The following C21orf58 variants were observed in gnomAD, a reference collection of about 807,000 sequenced individuals.
C21orf58 encodes chromosome 21 open reading frame 58.
In C21orf58, 34 loss-of-function variants were observed where a neutral mutation model predicts 35.8. That is an observed-to-expected ratio of 0.95 (90% CI 0.72 to 1.26). The LOEUF is 1.26. C21orf58 is among the 50% of genes most tolerant of loss of function. C21orf58 has a pLI of 0.00. For missense variants in C21orf58, 440 were observed against 414.3 expected, an observed-to-expected ratio of 1.06 and a Z score of -0.54; for synonymous variants, 191 against 175.8, an observed-to-expected ratio of 1.09 and a Z score of -0.68.
chr21:46,304,758 AG>A (rs1390237159), intron 6 of C21orf58, among the ~76,000 whole-genome samples: 1 of 152,162 alleles, frequency 6.6e-6, no homozygotes, highest in Non-Finnish European at 1.5e-5. Flanking sequence ...GTTCCATTAG[AG>A]GGCAAAAAGG....
At chr21:46,307,817 G>A (rs1430859187) in intron 6 of C21orf58, among the ~76,000 whole-genome samples, 1 of 152,146 alleles carries the variant, frequency 6.6e-6, no homozygotes, top group Non-Finnish European at 1.5e-5. Context: ...AATTCCATTA[G>A]TCATTAGGGC....
At chr21:46,314,923 C>G (rs1287123012) in intron 4 of C21orf58, 43 bp from the exon 5 acceptor site, 1 of 1,550,226 alleles carries the variant, frequency 6.5e-7, no homozygotes, top group Non-Finnish European at 8.7e-7. Context: ...GGACGGGGAG[C>G]CCCAACGCCA....
intron 3 of C21orf58, 30 bp from the exon 4 acceptor site, chr21:46,315,577 G>C (rs1369170932): frequency 2.0e-6 from 3 of 1,485,350 alleles, no homozygotes; most frequent in Non-Finnish European, 2.8e-6. Context: ...TGCTTACCAA[G>C]GAACGCGTAG....
intron 2 of C21orf58, 75 bp downstream of exon 2, chr21:46,317,937 G>T: frequency 6.6e-7 from 1 of 1,513,836 alleles, no homozygotes; most frequent in Non-Finnish European, 9.0e-7. Context: ...CACCTGCAGG[G>T]CTGTCTCGAA....
intron 6 of C21orf58, among the ~76,000 whole-genome samples, chr21:46,309,421 C>A (rs117817503): frequency 0.061 from 9,164 of 149,884 alleles, 326 homozygotes; most frequent in Non-Finnish European, 0.081. Flanking sequence ...GAGATTGCGC[C>A]ACTTCACTCA....
rs1375151526 is a variant in C21orf58, at chr21:46,323,390, C to T, written c.-652G>A. 7.1e-6 allele frequency: 1 copy of T among 141,560 alleles called. No homozygotes were observed. Among genetic ancestry groups the T allele is most frequent in the Admixed American group, 6.9e-5 (1 of 14,492 alleles). 8.8% of individuals were successfully genotyped at this position (141,560 alleles called of 1,614,324 possible). On this transcript the variant is annotated 5_prime_UTR_variant, in exon 1 of 8. Coordinates refer to ENST00000291691, the MANE Select transcript of C21orf58 (RefSeq NM_058180.5). ...CTCTTCTGTCTACTAAAAACCTTTT[C>T]TTTTCTTTTTTTTTTGAGACCTAAG...
chr21:46,300,602 C>T (rs948856824), downstream of C21orf58: 1 of 1,159,750 alleles, frequency 8.6e-7, no homozygotes, highest in African/African-American at 1.6e-5. Flanking sequence ...GTGTTACTGC[C>T]AGTAGCTGCG....
rs573223051 is a variant in C21orf58, at chr21:46,317,868, T to G, written c.309+144A>C. ...CCTCAGAGAATGTGAAGACTAAGTC[T>G]GAGGATGGGTCCGCTGGGCTGCCAG... On this transcript the variant is annotated intron_variant, in intron 2 of 7. Transcript: ENST00000291691. 1.2e-4 allele frequency: 98 copies of G among 847,874 alleles called. 1 individual carries two copies. The South Asian group carries it at 1.7e-3, about 15-fold the overall frequency. The allele number at this position is 847,874 out of a possible 1,614,324, so 52.5% of individuals were successfully genotyped here.
At chr21:46,319,854 G>A (rs917289073) in intron 1 of C21orf58, among the ~76,000 whole-genome samples, 7 of 151,780 alleles carry the variant, frequency 4.6e-5, no homozygotes, top group African/African-American at 1.5e-4. Flanking sequence ...CCAAGATTGC[G>A]CCACAGCACT....
intron 6 of C21orf58, among the ~76,000 whole-genome samples, chr21:46,304,364 G>A (rs1237642595): frequency 6.6e-6 from 1 of 151,852 alleles, no homozygotes; most frequent in Non-Finnish European, 1.5e-5. Flanking sequence ...GACTGTGCCT[G>A]TAGTCCCAGC....
intron 6 of C21orf58, among the ~76,000 whole-genome samples, chr21:46,307,119 C>T (rs1189058532): frequency 1.3e-5 from 2 of 151,988 alleles, no homozygotes; most frequent in Non-Finnish European, 2.9e-5. Context: ...TGGTCTCGAA[C>T]TCCTGACCTC....
Position 46,301,167 on chromosome 21 carries a change from G to T in C21orf58, c.*832C>A. Reference sequence around the variant, plus strand: ...CTTTTTTATTTTATTTTTGAGACAGGGGCCTGCTCTGTGGTCCAGGCTATA... The same window carrying T: ...CTTTTTTATTTTATTTTTGAGACAGTGGCCTGCTCTGTGGTCCAGGCTATA... On this transcript the variant is annotated 3_prime_UTR_variant, in exon 8 of 8. Coordinates refer to ENST00000291691, the MANE Select transcript of C21orf58 (RefSeq NM_058180.5). 1.2e-6 allele frequency: 1 copy of T among 800,590 alleles called. No homozygotes were observed. Among genetic ancestry groups the T allele is most frequent in the Non-Finnish European group, 1.5e-6 (1 of 658,480 alleles). 49.6% of individuals were successfully genotyped at this position (800,590 alleles called of 1,614,324 possible).
rs538106616 is a variant in C21orf58 at position 46,305,490 on chromosome 21, C to T, written c.722-2914G>A. On this transcript the variant is annotated intron_variant, in intron 6 of 7. Transcript: ENST00000291691. ...GACCACAGGCACATGCCACCATACC[C>T]AACTAATTTTGATATGTTTTGTAGA... 3.3e-5 allele frequency among the ~76,000 whole-genome samples: 5 copies of T among 152,010 alleles called. No homozygotes were observed. The South Asian group carries it at 1.0e-3, about 32-fold the overall frequency.
chr21:46,323,858 G>A lies in C21orf58; in HGVS notation c.-1120C>T. ...AGGGGCCGCCCGCGCGGGACCAGCA[G>A]CGCGAACTTTTTGCCGCTCGGCCAG... is the stretch of plus-strand genomic sequence containing the variant. On this transcript the variant is annotated 5_prime_UTR_variant, in exon 1 of 8. Coordinates refer to ENST00000291691, the MANE Select transcript of C21orf58 (RefSeq NM_058180.5). 2 of 385,850 alleles carry A rather than the reference G, an allele frequency of 5.2e-6. No homozygotes were observed. The highest frequency in any genetic ancestry group is 9.8e-6 in the Non-Finnish European group (2 of 203,572). 23.9% of individuals were successfully genotyped at this position (385,850 alleles called of 1,614,324 possible).
At chr21:46,305,804 T>C (rs1264349153) in intron 6 of C21orf58, among the ~76,000 whole-genome samples, 1 of 151,884 alleles carries the variant, frequency 6.6e-6, no homozygotes, top group African/African-American at 2.4e-5. Flanking sequence ...TAGCCGGGCC[T>C]GGTGGCGGGC....
rs141306262 is a variant in C21orf58, at chr21:46,317,245, G to A, written c.333C>T (p.Asn111=). 1,501 of 1,611,840 alleles carry A rather than the reference G, an allele frequency of 9.3e-4. 19 individuals carry two copies. The highest frequency in any genetic ancestry group is 1.2e-4 in the Non-Finnish European group (138 of 1,179,666). ...LGQKLEQERQ[N]VEGGPEGLHL... Reference sequence around the variant, plus strand: ...GGAGGCCCTCAGGTCCCCCTTCCACGTTCTGCCGTTCTTGCTCCAGCTTCT... The same window carrying A: ...GGAGGCCCTCAGGTCCCCCTTCCACATTCTGCCGTTCTTGCTCCAGCTTCT... Residue 111 remains asparagine, a synonymous_variant, in exon 3 of 8, where the codon AAC becomes AAT. Coordinates refer to ENST00000291691, the MANE Select transcript of C21orf58 (RefSeq NM_058180.5).
intron 2 of C21orf58, 49 bp downstream of exon 2, chr21:46,317,963 C>T (rs1269582354): frequency 2.5e-6 from 4 of 1,600,600 alleles, no homozygotes; most frequent in Non-Finnish European, 3.4e-6. Context: ...CCTCCAACGC[C>T]ACAGCCTGCG....
downstream of C21orf58, chr21:46,300,847 A>G: frequency 8.5e-7 from 1 of 1,171,518 alleles, no homozygotes; most frequent in Admixed American, 3.0e-5. Flanking sequence ...TATGTAAACA[A>G]CATTAAAAGA....
chr21:46,309,996 AAAAAT>A (rs991229014), intron 6 of C21orf58, among the ~76,000 whole-genome samples: 3 of 152,080 alleles, frequency 2.0e-5, no homozygotes, highest in South Asian at 2.1e-4. Context: ...ACTCTGTCTC[AAAAAT>A]AAAATAAAAT....
Sources: gnomAD v4.1 joint callset for allele counts (sites outside exome capture counted in the v4.1 genomes callset) on GRCh38, gnomAD v4.1.1 for gene constraint, MANE v1.5 for transcripts, NCBI Gene and HGNC (gene_info 2026-07-23, HGNC 2026-07-21) for gene names.